The following ST3GAL4 variants were observed in gnomAD, a reference collection of about 807,000 sequenced individuals.
ST3GAL4 encodes the protein ST3 beta-galactoside alpha-2,3-sialyltransferase 4.
In ST3GAL4, 24 loss-of-function variants were observed where a neutral mutation model predicts 42.6. The ratio of observed to expected loss-of-function variants is 0.56; its 90% CI spans 0.41 to 0.79. The LOEUF (loss-of-function observed/expected upper bound fraction) is 0.79, where lower values mean the gene tolerates loss of function less well. ST3GAL4 is among the 30% of genes least tolerant of loss of function. ST3GAL4 has a pLI of 0.00. For missense variants in ST3GAL4, 311 were observed against 430.8 expected (o/e 0.72, Z 2.46); for synonymous variants, 135 against 163.2 (o/e 0.83, Z 1.32).
intron 1 of ST3GAL4, among the ~76,000 whole-genome samples, chr11:126,389,998 C>T (rs778615739): frequency 2.0e-4 from 28 of 140,928 alleles, no homozygotes; most frequent in Admixed American, 3.7e-4. Flanking sequence ...GCAGTGAAAC[C>T]CCGTCTCTGC....
chr11:126,405,975 C>A, intron 1 of ST3GAL4, 121 bp from the exon 2 acceptor site: 1 of 1,207,912 alleles, frequency 8.3e-7, no homozygotes, highest in Non-Finnish European at 1.2e-6. Flanking sequence ...ATGATTGCCC[C>A]AGGGAGCAGC....
At position 126,373,556 on chromosome 11, in the gene ST3GAL4, G is replaced by A. The variant is rs376561917; in HGVS notation, c.-61+17714G>A. On this transcript the variant is annotated intron_variant, in intron 1 of 10. Transcript: ENST00000444328. This position sits in a 1 kb window ranked among gnomAD's most constrained non-coding sequence, Gnocchi z 5.5. ...GTCTTGTGACTGGCAGCTGATAAAC[G>A]GGTGATACAGTGTTTCTATACAGGA... 5.9e-5 allele frequency among the ~76,000 whole-genome samples: 9 copies of A among 152,170 alleles called. No individual in the cohort carries two copies. The highest frequency in any genetic ancestry group is 2.1e-4 in the South Asian group (1 of 4,826).
At position 126,378,813 on chromosome 11, in the gene ST3GAL4, A is replaced by G. The variant is rs537285463; in HGVS notation, c.-61+22971A>G. On this transcript the variant is annotated intron_variant, in intron 1 of 10. Transcript: ENST00000444328. This position sits in a 1 kb window ranked among gnomAD's most constrained non-coding sequence, Gnocchi z 5.3. ...ATTGAACCAATGTCTAGTTCTAGTA[A>G]GTTCTCTGATGATATGGTTGAGGCT... is the stretch of plus-strand genomic sequence containing the variant. Among the ~76,000 whole-genome samples the G allele has an allele frequency of 4.6e-5, 7 of 152,296 alleles. No homozygotes were observed. In the South Asian group the frequency reaches 1.2e-3, roughly 27 times the overall value.
chr11:126,395,465 G>A (rs541796839), intron 1 of ST3GAL4, among the ~76,000 whole-genome samples: 44 of 152,294 alleles, frequency 2.9e-4, no homozygotes, highest in Middle Eastern at 6.8e-3. Flanking sequence ...AGAGGAGGGA[G>A]CATGCCTAGC....
Position 126,392,300 on chromosome 11 carries a change from C to T in ST3GAL4, c.-60-13796C>T. The stretch of plus-strand genomic sequence containing the variant: ...CAAGCCTGCAGCTCTCCTGGGACTG[C>T]ACAGAGTTTACTGTCGGACATCAGT... On this transcript the variant is annotated intron_variant, in intron 1 of 10. Coordinates refer to ENST00000444328, the MANE Select transcript of ST3GAL4 (RefSeq NM_001254757.2). This position sits in a 1 kb window ranked among gnomAD's most constrained non-coding sequence, Gnocchi z 5.8. The T allele has an allele frequency of 1.0e-6, 1 of 985,806 alleles. No individual in the cohort carries two copies. The highest frequency in any genetic ancestry group is 1.2e-6 in the Non-Finnish European group (1 of 829,862). 61.1% of individuals were successfully genotyped at this position (985,806 alleles called of 1,614,324 possible). A position where few individuals can be genotyped will look rare whatever the true frequency, so the allele number is the denominator to read the frequency against.
chr11:126,385,595 T>G (rs1953196116), intron 1 of ST3GAL4, among the ~76,000 whole-genome samples: 1 of 152,216 alleles, frequency 6.6e-6, no homozygotes, highest in African/African-American at 2.4e-5. Flanking sequence ...ATTTAATGTA[T>G]TCCTTCTGTG....
Position 126,409,128 on chromosome 11 carries a change from C to A in ST3GAL4, c.628-140C>A. On this transcript the variant is annotated intron_variant, in intron 8 of 10. Coordinates refer to ENST00000444328, the MANE Select transcript of ST3GAL4 (RefSeq NM_001254757.2). This position sits in a 1 kb window ranked among gnomAD's most constrained non-coding sequence, Gnocchi z 4.9. The stretch of plus-strand genomic sequence containing the variant: ...CTCCCATCTGTGGCACAGACTTCAC[C>A]TCCCTTTCCTCTCACCTTGTGCTCC... 9.3e-7 allele frequency: 1 copy of A among 1,075,830 alleles called. No homozygotes were observed. The highest frequency in any genetic ancestry group is 1.4e-6 in the Non-Finnish European group (1 of 735,278). 66.6% of individuals were successfully genotyped at this position (1,075,830 alleles called of 1,614,324 possible). A position where few individuals can be genotyped will look rare whatever the true frequency, so the allele number is the denominator to read the frequency against.
rs1186891340 is a variant in ST3GAL4 at position 126,397,275 on chromosome 11, T to A, written c.-60-8821T>A. 6.6e-6 allele frequency among the ~76,000 whole-genome samples: 1 copy of A among 152,170 alleles called. No individual in the cohort carries two copies. The highest frequency in any genetic ancestry group is 1.5e-5 in the Non-Finnish European group (1 of 68,040). On this transcript the variant is annotated intron_variant, in intron 1 of 10. Transcript: ENST00000444328. The surrounding 1 kb of genome is among the most constrained non-coding windows in gnomAD (Gnocchi z 5.0). Reference sequence around the variant, plus strand: ...GAAGTTCCTGACCACAGAGGTCATTTAGGCAAGCTAGGAAAGCACAGAATG... The same window carrying A: ...GAAGTTCCTGACCACAGAGGTCATTAAGGCAAGCTAGGAAAGCACAGAATG...
In ST3GAL4 at chr11:126,390,864, T is replaced by G. The variant is rs186060796; in HGVS notation, c.-60-15232T>G. 3.9e-4 allele frequency among the ~76,000 whole-genome samples: 57 copies of G among 147,076 alleles called. 1 individual carries two copies. The highest frequency in any genetic ancestry group is 6.8e-3 in the Middle Eastern group (2 of 294). ...CCTCATTTCCGCCTCCCCCCAGCCC[T>G]TGGCAGCCACCATTCTGCTTTCTGT... On this transcript the variant is annotated intron_variant, in intron 1 of 10. Coordinates refer to ENST00000444328, the MANE Select transcript of ST3GAL4 (RefSeq NM_001254757.2).
chr11:126,358,939 C>T (rs968457574), intron 1 of ST3GAL4, among the ~76,000 whole-genome samples: 5 of 152,208 alleles, frequency 3.3e-5, no homozygotes, highest in African/African-American at 1.2e-4. Context: ...TCCAGTTTCC[C>T]ACCTGGGCCT....
At chr11:126,403,304 A>T in intron 1 of ST3GAL4, 1 of 826,850 alleles carries the variant, frequency 1.2e-6, no homozygotes, top group Non-Finnish European at 1.5e-6. Context: ...AAGAAGGGCT[A>T]ATTGTCTTGT....
rs1954396769 is a variant in ST3GAL4, at chr11:126,409,008, TGG to T, written c.628-259_628-258del. Reference sequence around the variant, plus strand: ...CTACCTGTGTGGATGTTCTTGGAAGTGGTCCATGGTTTAGACCCTCCACTCTA... The same window carrying T: ...CTACCTGTGTGGATGTTCTTGGAAGTTCCATGGTTTAGACCCTCCACTCTA... On this transcript the variant is annotated intron_variant, in intron 8 of 10. Transcript: ENST00000444328. This position sits in a 1 kb window ranked among gnomAD's most constrained non-coding sequence, Gnocchi z 4.9. 6.6e-6 allele frequency among the ~76,000 whole-genome samples: 1 copy of T among 152,220 alleles called. No homozygotes were observed. Among genetic ancestry groups the T allele is most frequent in the Non-Finnish European group, 1.5e-5 (1 of 68,034 alleles).
rs1952889208 is a variant in ST3GAL4 at position 126,378,237 on chromosome 11, G to A, written c.-61+22395G>A. ...GGTGTTATCGATAGAAAGGGTCAAA[G>A]TGCATCCTATTACCCACGAGTTGGG... On this transcript the variant is annotated intron_variant, in intron 1 of 10. Transcript: ENST00000444328. The surrounding 1 kb of genome is among the most constrained non-coding windows in gnomAD (Gnocchi z 5.3). Among the ~76,000 whole-genome samples, 1 of 152,180 alleles carries A rather than the reference G, an allele frequency of 6.6e-6. No individual in the cohort carries two copies. The highest frequency in any genetic ancestry group is 2.1e-4 in the South Asian group (1 of 4,832).
At position 126,406,956 on chromosome 11, in the gene ST3GAL4, A is replaced by G. The variant is rs749882039; in HGVS notation, c.115A>G (p.Ile39Val). 9 of 1,613,798 alleles carry G rather than the reference A, an allele frequency of 5.6e-6. No individual in the cohort carries two copies. The highest frequency in any genetic ancestry group is 6.8e-6 in the Non-Finnish European group (8 of 1,179,996). The change falls in exon 4 of 11, where the codon ATC becomes GTC. Residue 39 changes from isoleucine (I) to valine (V), a missense_variant. Transcript: ENST00000444328. The surrounding 1 kb of genome is among the most constrained non-coding windows in gnomAD (Gnocchi z 5.4). ...DRYIELFYFP[I>V]PEKKEPCLQG... ...TTTTCTCTCCAGTTTTTATTTTCCC[A>G]TCCCAGAGAAGAAGGAGCCGTGCCT...
Position 126,413,977 on chromosome 11 carries a change from T to A in ST3GAL4, c.932T>A (p.Val311Asp). ...LKSMAGSGHN[V>D]SQEALAIKRM... ...TCTCCACAGGGGTCAGGCCATAATG[T>A]CTCCCAAGAGGCCCTGGCCATTAAG... The change falls in exon 11 of 11, where the codon GTC becomes GAC. Residue 311 changes from valine (V) to aspartate (D), a missense_variant. Physicochemically the swap from Val to Asp is radical, Grantham distance 152 (BLOSUM62 -3). Coordinates refer to ENST00000444328, the MANE Select transcript of ST3GAL4 (RefSeq NM_001254757.2). The A allele has an allele frequency of 6.2e-7, 1 of 1,614,212 alleles. No homozygotes were observed. Among genetic ancestry groups the A allele is most frequent in the Non-Finnish European group, 8.5e-7 (1 of 1,180,026 alleles).
intron 1 of ST3GAL4, among the ~76,000 whole-genome samples, chr11:126,388,462 C>G (rs1268701810): frequency 6.6e-6 from 1 of 151,942 alleles, no homozygotes; most frequent in East Asian, 1.9e-4. Flanking sequence ...TCCTAAGTAG[C>G]TGGGATTACA....
chr11:126,402,040 A>C (rs1317773241), intron 1 of ST3GAL4, among the ~76,000 whole-genome samples: 1 of 138,498 alleles, frequency 7.2e-6, no homozygotes, highest in African/African-American at 2.7e-5. Flanking sequence ...ATTGGGAACT[A>C]TTCTGGGAAG....
At chr11:126,382,187 C>T (rs1009222987) in intron 1 of ST3GAL4, among the ~76,000 whole-genome samples, 2 of 149,864 alleles carry the variant, frequency 1.3e-5, no homozygotes, top group Non-Finnish European at 3.0e-5. Flanking sequence ...GCTGCCAGTC[C>T]TGGGTGTGTT....
At chr11:126,408,518 G>A in intron 8 of ST3GAL4, 22 bp downstream of exon 8, 1 of 1,613,008 alleles carries the variant, frequency 6.2e-7, no homozygotes, top group Non-Finnish European at 8.5e-7. Flanking sequence ...GACAGACTGG[G>A]GGCTGAGGCC....
Sources: allele counts gnomAD v4.1 joint callset (sites outside exome capture counted in the v4.1 genomes callset), GRCh38; gene constraint gnomAD v4.1.1; non-coding constraint Gnocchi (gnomAD v3.1); transcripts MANE v1.5; gene names NCBI Gene and HGNC (gene_info 2026-07-23, HGNC 2026-07-21).